PTPRQ: variants seen among roughly 807,000 people sequenced by gnomAD.
PTPRQ encodes the protein phosphatidylinositol phosphatase PTPRQ.
In PTPRQ, 199 loss-of-function variants were observed where a neutral mutation model predicts 246.0. That is an observed-to-expected ratio of 0.81 (90% CI 0.72 to 0.91). The LOEUF is 0.91. Ranked by LOEUF, PTPRQ falls within the 40% of genes least tolerant of loss-of-function variation. The pLI is 0.00. For missense variants in PTPRQ, 2,624 were observed against 2,528.4 expected, an observed-to-expected ratio of 1.04 and a Z score of -0.81; for synonymous variants, 869 against 853.2, an observed-to-expected ratio of 1.02 and a Z score of -0.32.
rs919441850 is a variant in PTPRQ, at chr12:80,482,419, A to G, written c.1187-2014A>G. On this transcript the variant is annotated intron_variant, in intron 8 of 44. Coordinates refer to ENST00000644991, the MANE Select transcript of PTPRQ (RefSeq NM_001145026.2). The stretch of plus-strand genomic sequence containing the variant: ...AAATGTCAGACCTAAAACCATAAAA[A>G]CCCTAGAAGAAAACCTAGGCAATAC... 7.9e-4 allele frequency among the ~76,000 whole-genome samples: 120 copies of G among 152,166 alleles called. 1 individual carries two copies. The highest frequency in any genetic ancestry group is 6.5e-4 in the Non-Finnish European group (44 of 68,016).
At chr12:80,495,905 G>C in intron 12 of PTPRQ, 94 bp from the exon 13 acceptor site, 1 of 1,383,714 alleles carries the variant, frequency 7.2e-7, no homozygotes, top group East Asian at 2.6e-5. Flanking sequence ...CTAGTCCCCC[G>C]TATAAATTCT....
intron 17 of PTPRQ, among the ~76,000 whole-genome samples, chr12:80,533,609 A>G (rs1449575723): frequency 6.6e-6 from 1 of 152,024 alleles, no homozygotes; most frequent in Non-Finnish European, 1.5e-5. Context: ...TATTTGAAGG[A>G]TAGATTTATT....
At position 80,468,709 on chromosome 12, in the gene PTPRQ, G is replaced by T; in HGVS notation, c.911-1G>T. The T allele has an allele frequency of 6.5e-7, 1 of 1,528,938 alleles. No homozygotes were observed. The highest frequency in any genetic ancestry group is 8.8e-7 in the Non-Finnish European group (1 of 1,138,602). 94.7% of individuals were successfully genotyped at this position (1,528,938 alleles called of 1,614,324 possible). ...GTATTTATTTTCTATAATTATTTTA[G>T]TGCCTGAAGGACCACCACAAAACTG... On this transcript the variant is annotated splice_acceptor_variant, in intron 6 of 44. Transcript: ENST00000644991. LOFTEE classifies it high-confidence loss of function.
intron 6 of PTPRQ, among the ~76,000 whole-genome samples, chr12:80,461,615 T>C (rs1893171172): frequency 6.6e-6 from 1 of 150,564 alleles, no homozygotes; most frequent in Admixed American, 6.7e-5. Context: ...ATTTATTATA[T>C]ATATAATATA....
At chr12:80,576,088 G>A (rs1304630278) in intron 25 of PTPRQ, among the ~76,000 whole-genome samples, 1 of 151,856 alleles carries the variant, frequency 6.6e-6, no homozygotes, top group Non-Finnish European at 1.5e-5. Flanking sequence ...AAAGCTTACA[G>A]TCAGAACTCC....
intron 8 of PTPRQ, among the ~76,000 whole-genome samples, chr12:80,477,951 T>A (rs957383192): frequency 6.6e-6 from 1 of 152,068 alleles, no homozygotes; most frequent in Non-Finnish European, 1.5e-5. Flanking sequence ...CGAAGCTGGG[T>A]GAGGGGCGCC....
At chr12:80,470,394 A>G (rs1042841202) in intron 7 of PTPRQ, among the ~76,000 whole-genome samples, 5 of 152,082 alleles carry the variant, frequency 3.3e-5, no homozygotes, top group Non-Finnish European at 7.4e-5. Context: ...TACCTTTTTC[A>G]GTGTAGTGGG....
rs185255969 is a variant in PTPRQ at position 80,653,801 on chromosome 12, C to T, written c.6115+967C>T. Among the ~76,000 whole-genome samples the T allele has an allele frequency of 2.5e-3, 373 of 152,004 alleles. 3 individuals are homozygous for T. Among genetic ancestry groups the T allele is most frequent in the South Asian group, 0.015 (74 of 4,808 alleles). On this transcript the variant is annotated intron_variant, in intron 38 of 44. Coordinates refer to ENST00000644991, the MANE Select transcript of PTPRQ (RefSeq NM_001145026.2). ...ACTAGGGAATAACTTATGAAGTTCA[C>T]GAAGGAAACAAATGTAAGGAAACAT...
intron 19 of PTPRQ, among the ~76,000 whole-genome samples, chr12:80,537,836 G>A (rs1386975332): frequency 6.6e-6 from 1 of 152,180 alleles, no homozygotes; most frequent in Non-Finnish European, 1.5e-5. Context: ...TGGGCCGGGT[G>A]TGGTGGCTCA....
In PTPRQ at chr12:80,649,639, C is replaced by A. The variant is rs1386965490; in HGVS notation, c.5994C>A (p.Asn1998Lys). The A allele has an allele frequency of 1.9e-6, 3 of 1,549,172 alleles. No individual in the cohort carries two copies. The highest frequency in any genetic ancestry group is 2.6e-6 in the Non-Finnish European group (3 of 1,145,598). Residue 1998 changes from asparagine (N) to lysine (K), a missense_variant, in exon 37 of 45, where the codon AAC becomes AAA. Asn to Lys is a moderately conservative substitution (Grantham distance 94). Coordinates refer to ENST00000644991, the MANE Select transcript of PTPRQ (RefSeq NM_001145026.2). ...FLQHVEELCT[N>K]NNLKFQEEFS... Reference sequence around the variant, plus strand: ...AACATGTTGAAGAGCTTTGCACAAACAACAACCTAAAGTTTCAAGAAGAAT... The same window carrying A: ...AACATGTTGAAGAGCTTTGCACAAAAAACAACCTAAAGTTTCAAGAAGAAT...
intron 41 of PTPRQ, 30 bp downstream of exon 41, chr12:80,669,494 A>T: frequency 2.0e-6 from 3 of 1,526,768 alleles, no homozygotes; most frequent in African/African-American, 2.8e-5. Context: ...ACGAGAGAAC[A>T]TGATATAAAA....
chr12:80,620,721 T>G (rs1898949977), intron 32 of PTPRQ, among the ~76,000 whole-genome samples: 1 of 151,806 alleles, frequency 6.6e-6, no homozygotes, highest in Non-Finnish European at 1.5e-5. Flanking sequence ...TTTCACTTAT[T>G]ATTTTACCAT....
intron 40 of PTPRQ, 28 bp downstream of exon 40, chr12:80,669,169 T>G: frequency 6.5e-7 from 1 of 1,540,822 alleles, no homozygotes; most frequent in Non-Finnish European, 8.8e-7. Context: ...GTTTTACAAA[T>G]GTTGTTTTAC....
intron 43 of PTPRQ, among the ~76,000 whole-genome samples, chr12:80,674,142 C>T (rs1901061633): frequency 6.6e-6 from 1 of 152,042 alleles, no homozygotes; most frequent in South Asian, 2.1e-4. Flanking sequence ...CTACAATATA[C>T]ACAATATTCC....
At chr12:80,477,686 G>A (rs566282102) in intron 8 of PTPRQ, among the ~76,000 whole-genome samples, 3 of 152,168 alleles carry the variant, frequency 2.0e-5, no homozygotes, top group Non-Finnish European at 2.9e-5. Flanking sequence ...TGTGCGAGCC[G>A]AAGCAGGGCG....
chr12:80,493,287 C>T lies in PTPRQ; in HGVS notation c.1372C>T (p.Pro458Ser), dbSNP rs970340859. 8 of 1,532,542 alleles carry T rather than the reference C, an allele frequency of 5.2e-6. No homozygotes were observed. Among genetic ancestry groups the T allele is most frequent in the African/African-American group, 1.4e-5 (1 of 71,894 alleles). 94.9% of individuals were successfully genotyped at this position (1,532,542 alleles called of 1,614,324 possible). ...CTTTTAATTACAGTATATAAATGAC[C>T]CCATGGCTCCAGAAATTGTGAACAT... ...LTGNNEYIND[P>S]MAPEIVNIVE... The change falls in exon 10 of 45, where the codon CCC becomes TCC. Residue 458 changes from proline to serine, a missense_variant. Physicochemically the swap from Pro to Ser is moderately conservative, Grantham distance 74 (BLOSUM62 -1). Coordinates refer to ENST00000644991, the MANE Select transcript of PTPRQ (RefSeq NM_001145026.2).
chr12:80,598,739 A>T (rs1177541221), intron 26 of PTPRQ, among the ~76,000 whole-genome samples: 2 of 152,054 alleles, frequency 1.3e-5, no homozygotes, highest in African/African-American at 4.8e-5. Flanking sequence ...CTTTATACTG[A>T]ACTTAAATTC....
In PTPRQ at chr12:80,610,401, G is replaced by A. The variant is rs765315977; in HGVS notation, c.4732-38G>A. The A allele has an allele frequency of 1.0e-5, 15 of 1,436,076 alleles. No homozygotes were observed. The South Asian group carries it at 1.9e-4, about 19-fold the overall frequency. 89.0% of individuals were successfully genotyped at this position (1,436,076 alleles called of 1,614,324 possible). ...TATGTTTTGGTGACTCAGATTTCAA[G>A]TGCTGCTTCCTTAATTTTTACTTAT... On this transcript the variant is annotated intron_variant, in intron 27 of 44. Coordinates refer to ENST00000644991, the MANE Select transcript of PTPRQ (RefSeq NM_001145026.2).
At chr12:80,478,928 T>G (rs1280395304) in intron 8 of PTPRQ, among the ~76,000 whole-genome samples, 1 of 152,070 alleles carries the variant, frequency 6.6e-6, no homozygotes, top group African/African-American at 2.4e-5. Flanking sequence ...ACGGGGAGAA[T>G]GCAACCAAGT....
Sources: gnomAD v4.1 joint callset for allele counts (sites outside exome capture counted in the v4.1 genomes callset) on GRCh38, gnomAD v4.1.1 for gene constraint, MANE v1.5 for transcripts, NCBI Gene and HGNC (gene_info 2026-07-23, HGNC 2026-07-21) for gene names.